The following CCDC144A variants were observed in gnomAD, a reference collection of about 807,000 sequenced individuals.
CCDC144A encodes coiled-coil domain-containing protein 144A.
In CCDC144A, 41 loss-of-function variants were observed where a neutral mutation model predicts 143.8. That is an observed-to-expected ratio of 0.29 (90% CI 0.22 to 0.37). The LOEUF is 0.37. CCDC144A is among the 10% of genes least tolerant of loss of function. The probability of loss-of-function intolerance (pLI) is 1.00; values close to 1 mark genes in which losing one functional copy is unlikely to be tolerated. For missense variants in CCDC144A, 637 were observed against 1,488.8 expected (o/e 0.43, Z 9.41); for synonymous variants, 242 against 517.9 (o/e 0.47, Z 7.23).
At position 16,707,751 on chromosome 17, in the gene CCDC144A, A is replaced by G. The variant is rs562359092; in HGVS notation, c.738+209A>G. On this transcript the variant is annotated intron_variant, in intron 4 of 16. Transcript: ENST00000399273. ...CTATCATAACTTATAGTTAATCTTT[A>G]CCCTTGGAGTAGAGGCAAACATTCC... Among the ~76,000 whole-genome samples, 4 of 152,202 alleles carry G rather than the reference A, an allele frequency of 2.6e-5. No individual in the cohort carries two copies. The South Asian group carries it at 8.3e-4, about 32-fold the overall frequency.
rs375659406 is a variant in CCDC144A at position 16,690,670 on chromosome 17, G to A, written c.270G>A (p.Ser90=). The change falls in exon 1 of 17, where the codon TCG becomes TCA. Residue 90 remains serine (S), a synonymous_variant. Transcript: ENST00000399273. ...GCGAGCTCCACAGAGCTGCCCGGTC[G>A]GGCGACGTCCCTGGGGTGGAGCACA... The part of the protein sequence containing the change: ...DLGELHRAAR[S]GDVPGVEHIL... 6.2e-6 allele frequency: 10 copies of A among 1,613,862 alleles called. No homozygotes were observed. The highest frequency in any genetic ancestry group is 2.2e-5 in the East Asian group (1 of 44,862).
At chr17:16,681,801 G>T in the CCDC144A span, among the ~76,000 whole-genome samples, 1 of 151,804 alleles carries the variant, frequency 6.6e-6, no homozygotes, top group Non-Finnish European at 1.5e-5. Context: ...GGAGGTTGCG[G>T]TGATCCCAGA....
At chr17:16,730,463 T>A (rs1395451084) in intron 9 of CCDC144A, among the ~76,000 whole-genome samples, 2 of 128,462 alleles carry the variant, frequency 1.6e-5, no homozygotes, top group African/African-American at 3.5e-5. Flanking sequence ...TTGCTTTGGC[T>A]ATTCAGGCTC....
intron 12 of CCDC144A, among the ~76,000 whole-genome samples, chr17:16,751,670 T>C (rs1186092752): frequency 6.6e-6 from 1 of 152,244 alleles, no homozygotes; most frequent in African/African-American, 2.4e-5. Context: ...TCTGGGGATG[T>C]GCTGGTTGTC....
the CCDC144A span, among the ~76,000 whole-genome samples, chr17:16,674,154 C>T: frequency 2.0e-5 from 3 of 151,972 alleles, no homozygotes; most frequent in African/African-American, 4.8e-5. Context: ...TGGCTCATGC[C>T]TGTATTCCCA....
chr17:16,772,292 G>T (rs528703200), intron 16 of CCDC144A, among the ~76,000 whole-genome samples: 1 of 152,244 alleles, frequency 6.6e-6, no homozygotes, highest in Admixed American at 6.5e-5. Context: ...TTGTCAGCCA[G>T]CACACAGAAA....
At chr17:16,759,090 C>T (rs995135422) in intron 12 of CCDC144A, among the ~76,000 whole-genome samples, 1 of 152,176 alleles carries the variant, frequency 6.6e-6, no homozygotes, top group Non-Finnish European at 1.5e-5. Flanking sequence ...CAGACTTTCT[C>T]CTGGCAGCAC....
intron 12 of CCDC144A, among the ~76,000 whole-genome samples, chr17:16,739,632 C>T (rs1361983702): frequency 6.7e-6 from 1 of 149,232 alleles, no homozygotes; most frequent in Non-Finnish European, 1.5e-5. Context: ...GTGGATATAC[C>T]GTTTTCCCAG....
the CCDC144A span, among the ~76,000 whole-genome samples, chr17:16,675,403 T>C: frequency 2.6e-5 from 4 of 151,436 alleles, no homozygotes; most frequent in African/African-American, 9.8e-5. Flanking sequence ...GATAAGCTTG[T>C]CTTTTTTTTT....
At chr17:16,773,198 C>T (rs1254182133) in intron 16 of CCDC144A, among the ~76,000 whole-genome samples, 2 of 151,914 alleles carry the variant, frequency 1.3e-5, no homozygotes, top group African/African-American at 2.4e-5. Flanking sequence ...TTTGTAGTCC[C>T]AGCACTTTGG....
At chr17:16,752,385 C>G (rs1285455623) in intron 12 of CCDC144A, among the ~76,000 whole-genome samples, 1 of 152,204 alleles carries the variant, frequency 6.6e-6, no homozygotes, top group African/African-American at 2.4e-5. Flanking sequence ...AGGTTGGGGA[C>G]TGCTGTTGCA....
the CCDC144A span, chr17:16,684,213 G>T: frequency 1.1e-5 from 10 of 932,922 alleles, no homozygotes; most frequent in Non-Finnish European, 1.6e-5. Context: ...CTGACCCAGG[G>T]GATGGACATT....
intron 3 of CCDC144A, chr17:16,706,440 C>T (rs1354182260): frequency 7.0e-6 from 1 of 142,530 alleles, no homozygotes; most frequent in East Asian, 2.0e-4. Flanking sequence ...CCTGTGTGCC[C>T]TTTCTCTGGC....
At chr17:16,676,051 G>A in the CCDC144A span, among the ~76,000 whole-genome samples, 15 of 152,000 alleles carry the variant, frequency 9.9e-5, no homozygotes, top group South Asian at 2.5e-3. Context: ...CCCGGCCCAC[G>A]CAGGGACTTT....
At chr17:16,746,747 C>A in intron 12 of CCDC144A, 1 of 1,609,956 alleles carries the variant, frequency 6.2e-7, no homozygotes, top group South Asian at 1.1e-5. Flanking sequence ...CGGAGGCAGG[C>A]GGCAGATGAC....
intron 12 of CCDC144A, among the ~76,000 whole-genome samples, chr17:16,739,642 G>A (rs1285504747): frequency 6.7e-6 from 1 of 150,052 alleles, no homozygotes; most frequent in East Asian, 2.0e-4. Context: ...CGTTTTCCCA[G>A]AACCATTTGT....
At chr17:16,758,106 C>A (rs1208425787) in intron 12 of CCDC144A, among the ~76,000 whole-genome samples, 3 of 152,228 alleles carry the variant, frequency 2.0e-5, no homozygotes, top group Non-Finnish European at 2.9e-5. Context: ...TCGATGATGT[C>A]TCTGTCTATG....
intron 8 of CCDC144A, among the ~76,000 whole-genome samples, chr17:16,726,237 C>G (rs563762521): frequency 6.6e-6 from 1 of 151,620 alleles, no homozygotes; most frequent in South Asian, 2.1e-4. Context: ...AAAAATTAGC[C>G]GGGCGCGGTG....
chr17:16,753,456 TGTAA>T, intron 12 of CCDC144A, among the ~76,000 whole-genome samples: 1 of 139,686 alleles, frequency 7.2e-6, no homozygotes, highest in East Asian at 2.1e-4. Context: ...TTTTTTTTTT[TGTAA>T]AGCTCTTTAC....
Sources: allele counts gnomAD v4.1 joint callset (sites outside exome capture counted in the v4.1 genomes callset), GRCh38; gene constraint gnomAD v4.1.1; transcripts MANE v1.5; gene names NCBI Gene and HGNC (gene_info 2026-07-23, HGNC 2026-07-21).